The following AKAP19 variants were observed in gnomAD, a reference collection of about 807,000 sequenced individuals.
AKAP19 encodes the protein A-kinase anchoring protein 19.
At chr2:190,130,125 A>T in the AKAP19 span, among the ~76,000 whole-genome samples, 3 of 152,218 alleles carry the variant, frequency 2.0e-5, no homozygotes, top group East Asian at 5.8e-4. Flanking sequence ...ATCACAGATC[A>T]CACAGAGAGA....
the AKAP19 span, chr2:190,057,459 G>A: frequency 6.2e-7 from 1 of 1,613,500 alleles, no homozygotes; most frequent in Non-Finnish European, 8.5e-7. Context: ...ACTCTCCAGA[G>A]CAGTAATTGG....
the AKAP19 span, among the ~76,000 whole-genome samples, chr2:189,997,400 TGGTGG>T: frequency 2.0e-5 from 3 of 152,174 alleles, no homozygotes. Context: ...AAATACCATC[TGGTGG>T]GGTACAGGGT....
chr2:189,930,087 TTCTC>T, the AKAP19 span, among the ~76,000 whole-genome samples: 2 of 152,186 alleles, frequency 1.3e-5, no homozygotes, highest in Non-Finnish European at 2.9e-5. Context: ...CATCCTACTT[TTCTC>T]TCTAAGTTTT....
chr2:189,943,444 A>G, the AKAP19 span, among the ~76,000 whole-genome samples: 1 of 152,226 alleles, frequency 6.6e-6, no homozygotes. Context: ...CTGTATGAGA[A>G]ACCCTGGGTG....
At chr2:189,901,154 T>G in the AKAP19 span, among the ~76,000 whole-genome samples, 1 of 152,178 alleles carries the variant, frequency 6.6e-6, no homozygotes, top group African/African-American at 2.4e-5. Context: ...AAAAAATTAC[T>G]AATTTATTAT....
the AKAP19 span, among the ~76,000 whole-genome samples, chr2:190,190,872 C>T: frequency 2.6e-5 from 4 of 152,136 alleles, no homozygotes; most frequent in African/African-American, 7.2e-5. Context: ...CCACCACAAT[C>T]GGGATAAAGA....
the AKAP19 span, among the ~76,000 whole-genome samples, chr2:190,020,913 G>A: frequency 1.3e-5 from 2 of 152,082 alleles, no homozygotes; most frequent in Non-Finnish European, 2.9e-5. Flanking sequence ...TATTCATAAG[G>A]TTTATCCATG....
the AKAP19 span, among the ~76,000 whole-genome samples, chr2:190,080,196 T>C: frequency 1.3e-5 from 2 of 152,210 alleles, no homozygotes; most frequent in Non-Finnish European, 2.9e-5. Context: ...GTTTTTTAAA[T>C]AAATATATTC....
chr2:189,938,492 G>T, the AKAP19 span, among the ~76,000 whole-genome samples: 1 of 152,054 alleles, frequency 6.6e-6, no homozygotes, highest in Non-Finnish European at 1.5e-5. Context: ...GACAAACATC[G>T]CATGTTCTCA....
At chr2:190,107,049 G>A in the AKAP19 span, among the ~76,000 whole-genome samples, 1 of 152,304 alleles carries the variant, frequency 6.6e-6, no homozygotes, top group African/African-American at 2.4e-5. Flanking sequence ...ACATCTAGGT[G>A]TACTGAGGAG....
chr2:189,886,332 A>G, the AKAP19 span, among the ~76,000 whole-genome samples: 1 of 152,158 alleles, frequency 6.6e-6, no homozygotes, highest in African/African-American at 2.4e-5. Flanking sequence ...GATCCATGTC[A>G]TGTTTTGTCT....
the AKAP19 span, among the ~76,000 whole-genome samples, chr2:190,138,452 C>G: frequency 1.3e-5 from 2 of 152,228 alleles, no homozygotes; most frequent in East Asian, 1.9e-4. Flanking sequence ...TTCAGCTGCT[C>G]TAATTCTGTC....
At chr2:190,094,678 C>G in the AKAP19 span, among the ~76,000 whole-genome samples, 1 of 152,190 alleles carries the variant, frequency 6.6e-6, no homozygotes, top group African/African-American at 2.4e-5. Context: ...TGAGCTGAAT[C>G]ACAAACACTG....
At chr2:190,202,076 T>G in the AKAP19 span, 1 of 166,948 alleles carries the variant, frequency 6.0e-6, no homozygotes, top group Admixed American at 6.6e-5. Context: ...ACAAGTGAGT[T>G]TTGGTTGTAT....
chr2:190,015,791 C>T, the AKAP19 span, among the ~76,000 whole-genome samples: 1 of 152,156 alleles, frequency 6.6e-6, no homozygotes, highest in Non-Finnish European at 1.5e-5. Context: ...ACTAGATCAC[C>T]TTTGTAATGC....
chr2:189,933,844 T>C, the AKAP19 span, among the ~76,000 whole-genome samples: 93,301 of 151,910 alleles, frequency 0.61, 32,462 homozygotes, highest in South Asian at 0.77. Flanking sequence ...ACTTTTGGAC[T>C]ACTTGATATG....
chr2:189,899,461 T>C, the AKAP19 span, among the ~76,000 whole-genome samples: 21 of 152,214 alleles, frequency 1.4e-4, no homozygotes, highest in African/African-American at 5.1e-4. Flanking sequence ...GTTATTATTT[T>C]CATTGAGATA....
the AKAP19 span, among the ~76,000 whole-genome samples, chr2:190,157,365 T>TACACACACACACACACACACACACAC: frequency 7.4e-4 from 87 of 117,062 alleles, 1 homozygote; most frequent in African/African-American, 2.2e-3. Flanking sequence ...CCTAAACTTG[T>TACACACACACACACACACACACACAC]ATACACACAC....
At chr2:189,987,738 T>C in the AKAP19 span, among the ~76,000 whole-genome samples, 12 of 152,222 alleles carry the variant, frequency 7.9e-5, 2 homozygotes, top group Admixed American at 7.9e-4. Flanking sequence ...AGGGGATCTT[T>C]ATAATTTCTG....
Sources: gnomAD v4.1 joint callset for allele counts (sites outside exome capture counted in the v4.1 genomes callset) on GRCh38, gnomAD v4.1.1 for gene constraint, MANE v1.5 for transcripts, NCBI Gene and HGNC (gene_info 2026-07-23, HGNC 2026-07-21) for gene names.